The following NCOA2 variants were observed in gnomAD, a reference collection of about 807,000 sequenced individuals.
NCOA2 encodes the protein nuclear receptor coactivator 2, also known as class E basic helix-loop-helix protein 75.
NCOA2 carries 21 observed loss-of-function variants against 145.1 expected under a neutral mutation model. That is an observed-to-expected ratio of 0.14 (90% CI 0.10 to 0.21). The LOEUF (loss-of-function observed/expected upper bound fraction) is 0.21. Ranked by LOEUF, NCOA2 falls within the 10% of genes least tolerant of loss-of-function variation. NCOA2 has a pLI of 1.00. For missense variants in NCOA2, 1,472 were observed against 1,837.6 expected, an observed-to-expected ratio of 0.80 and a Z score of 3.64; for synonymous variants, 619 against 637.5, an observed-to-expected ratio of 0.97 and a Z score of 0.44.
chr8:70,390,248 G>A (rs931634259), intron 1 of NCOA2, among the ~76,000 whole-genome samples: 3 of 152,282 alleles, frequency 2.0e-5, no homozygotes, highest in African/African-American at 7.2e-5. Context: ...AAAGTGCAGG[G>A]CCTGATTCAA....
At chr8:70,376,853 C>T (rs891305622) in intron 1 of NCOA2, among the ~76,000 whole-genome samples, 6 of 152,130 alleles carry the variant, frequency 3.9e-5, no homozygotes, top group South Asian at 2.1e-4. Flanking sequence ...CGCTCAGGGC[C>T]GGCGCTAGGT....
chr8:70,418,310 G>A, the NCOA2 span, among the ~76,000 whole-genome samples: 1 of 152,146 alleles, frequency 6.6e-6, no homozygotes, highest in Non-Finnish European at 1.5e-5. Flanking sequence ...TCAGGATGGT[G>A]GGGAACATGG....
At chr8:70,194,931 T>C (rs117035098) in intron 4 of NCOA2, among the ~76,000 whole-genome samples, 2,789 of 152,210 alleles carry the variant, frequency 0.018, 45 homozygotes, top group Middle Eastern at 0.031. Flanking sequence ...TGGGAGACAG[T>C]GGATGTGGAG....
intron 2 of NCOA2, among the ~76,000 whole-genome samples, chr8:70,274,848 G>A (rs1458002007): frequency 2.6e-5 from 4 of 152,040 alleles, no homozygotes; most frequent in East Asian, 1.9e-4. Context: ...ATCGCTACTC[G>A]TGAACTCTGT....
At chr8:70,448,664 C>T in the NCOA2 span, among the ~76,000 whole-genome samples, 2 of 152,112 alleles carry the variant, frequency 1.3e-5, no homozygotes, top group African/African-American at 2.4e-5. Context: ...CCACTTACAT[C>T]GCATGATGTA....
At chr8:70,127,710 C>CCCCAAAT (rs1808597058) in intron 18 of NCOA2, among the ~76,000 whole-genome samples, 1 of 152,134 alleles carries the variant, frequency 6.6e-6, no homozygotes, top group African/African-American at 2.4e-5. Context: ...TATTTGTAAC[C>CCCCAAAT]CCCAAATCAA....
At chr8:70,169,521 A>G (rs554282538) in intron 6 of NCOA2, among the ~76,000 whole-genome samples, 22 of 152,348 alleles carry the variant, frequency 1.4e-4, no homozygotes, top group African/African-American at 5.1e-4. Context: ...CAAACTTCTC[A>G]TGACCTTTGA....
chr8:70,437,066 T>C, the NCOA2 span, among the ~76,000 whole-genome samples: 2 of 152,268 alleles, frequency 1.3e-5, no homozygotes, highest in East Asian at 3.8e-4. Context: ...CCTGAACATG[T>C]TCCTGTCCTT....
intron 22 of NCOA2, among the ~76,000 whole-genome samples, chr8:70,116,196 A>AAAAAAAAAG (rs1807106342): frequency 6.6e-6 from 1 of 150,810 alleles, no homozygotes; most frequent in South Asian, 2.1e-4. Flanking sequence ...TAAAAAAAAA[A>AAAAAAAAAG]AAAAAAAAAA....
chr8:70,393,303 C>A (rs964845014), intron 1 of NCOA2, among the ~76,000 whole-genome samples: 2 of 152,180 alleles, frequency 1.3e-5, no homozygotes, highest in Non-Finnish European at 2.9e-5. Context: ...GGGCACAGGC[C>A]ATCAGCATTG....
the NCOA2 span, among the ~76,000 whole-genome samples, chr8:70,416,588 T>G: frequency 6.6e-6 from 1 of 152,236 alleles, no homozygotes; most frequent in African/African-American, 2.4e-5. Context: ...TGATATTGCC[T>G]TAGTACATTT....
Position 70,162,853 on chromosome 8 carries a change from G to A in NCOA2, c.834C>T (p.Gly278=). ...TGCTGGTATCCAGAGACGTGATCTT[G>A]CCTATTAAGTAACAGCAGGCATTAT... ...ESFTTRQDLQ[G]KITSLDTSTM... The change falls in exon 9 of 23, where the codon GGC becomes GGT. Residue 278 remains glycine, a splice_region_variant and synonymous_variant. Coordinates refer to ENST00000452400, the MANE Select transcript of NCOA2 (RefSeq NM_006540.4). 6.2e-7 allele frequency: 1 copy of A among 1,609,636 alleles called. No individual in the cohort carries two copies. The highest frequency in any genetic ancestry group is 8.5e-7 in the Non-Finnish European group (1 of 1,178,652).
At chr8:70,439,660 G>A in the NCOA2 span, among the ~76,000 whole-genome samples, 16 of 138,524 alleles carry the variant, frequency 1.2e-4, no homozygotes, top group African/African-American at 4.8e-4. Flanking sequence ...AATAGCAGAG[G>A]CATTCCCAGG....
intron 1 of NCOA2, among the ~76,000 whole-genome samples, chr8:70,329,776 T>A (rs1806917166): frequency 6.6e-6 from 1 of 152,070 alleles, no homozygotes; most frequent in African/African-American, 2.4e-5. Flanking sequence ...CATTCAGAAA[T>A]CTCATGGATG....
At chr8:70,124,886 C>G in intron 19 of NCOA2, 21 bp from the exon 20 acceptor site, 1 of 1,550,070 alleles carries the variant, frequency 6.5e-7, no homozygotes, top group Non-Finnish European at 8.7e-7. Flanking sequence ...AAAACAGAAA[C>G]AGAAATCCAA....
chr8:70,135,476 C>T (rs1479828859), intron 15 of NCOA2, among the ~76,000 whole-genome samples: 1 of 152,128 alleles, frequency 6.6e-6, no homozygotes, highest in African/African-American at 2.4e-5. Context: ...AGCTACAATA[C>T]ATTAAAAACC....
intron 4 of NCOA2, among the ~76,000 whole-genome samples, chr8:70,208,577 A>G (rs754617387): frequency 4.6e-5 from 7 of 152,234 alleles, no homozygotes; most frequent in Non-Finnish European, 1.0e-4. Flanking sequence ...GAAGCTTGAA[A>G]GGACAAACTG....
At chr8:70,306,652 G>C (rs140394697) in intron 1 of NCOA2, among the ~76,000 whole-genome samples, 1 of 152,266 alleles carries the variant, frequency 6.6e-6, no homozygotes, top group Non-Finnish European at 1.5e-5. Context: ...GGCTGAGGTG[G>C]GAGGATTATT....
At chr8:70,425,229 G>A in the NCOA2 span, among the ~76,000 whole-genome samples, 8 of 152,106 alleles carry the variant, frequency 5.3e-5, no homozygotes, top group Non-Finnish European at 7.3e-5. Flanking sequence ...ATCTCTCTAA[G>A]AATCACTCAC....
Sources: allele counts gnomAD v4.1 joint callset (sites outside exome capture counted in the v4.1 genomes callset), GRCh38; gene constraint gnomAD v4.1.1; transcripts MANE v1.5; gene names NCBI Gene and HGNC (gene_info 2026-07-23, HGNC 2026-07-21).